Variants in GALNTL6 observed in about 807,000 individuals in gnomAD.
GALNTL6 encodes polypeptide N-acetylgalactosaminyltransferase like 6.
GALNTL6 carries 46 observed loss-of-function variants against 73.7 expected under a neutral mutation model. That is an observed-to-expected ratio of 0.62 (90% CI 0.49 to 0.80). The LOEUF (loss-of-function observed/expected upper bound fraction) is 0.80, where lower values mean the gene tolerates loss of function less well. Ranked by LOEUF, GALNTL6 falls within the 30% of genes least tolerant of loss-of-function variation. The pLI, the probability that GALNTL6 is intolerant of heterozygous loss-of-function variation, is 0.00. For synonymous variants in GALNTL6, 259 were observed against 263.7 expected, an observed-to-expected ratio of 0.98 and a Z score of 0.17; for missense variants, 604 against 755.0, an observed-to-expected ratio of 0.80 and a Z score of 2.34.
At chr4:172,454,935 T>G (rs1332260004) in intron 5 of GALNTL6, among the ~76,000 whole-genome samples, 1 of 152,086 alleles carries the variant, frequency 6.6e-6, no homozygotes, top group Non-Finnish European at 1.5e-5. Context: ...GATGGCCAAA[T>G]AGGAACAGCT....
chr4:172,728,016 G>A (rs1422731308), intron 5 of GALNTL6, among the ~76,000 whole-genome samples: 9 of 151,932 alleles, frequency 5.9e-5, no homozygotes, highest in Non-Finnish European at 1.0e-4. Flanking sequence ...GGGTTCAAGC[G>A]ATTCTCCTGC....
chr4:172,308,196 T>C (rs1467134597), intron 3 of GALNTL6, among the ~76,000 whole-genome samples: 1 of 151,074 alleles, frequency 6.6e-6, no homozygotes, highest in African/African-American at 2.4e-5. Context: ...GTAAATGAAT[T>C]CAGTAAAGTA....
intron 2 of GALNTL6, among the ~76,000 whole-genome samples, chr4:171,965,673 G>A (rs231585): frequency 0.96 from 130,872 of 136,756 alleles, 62,861 homozygotes; most frequent in East Asian, 1. Flanking sequence ...AAAAAAAAAA[G>A]AAGAAGAAGA....
chr4:172,329,211 A>G (rs540889195), intron 4 of GALNTL6, among the ~76,000 whole-genome samples: 41 of 152,346 alleles, frequency 2.7e-4, no homozygotes, highest in African/African-American at 9.6e-4. Context: ...GAGGGCTGCA[A>G]GACAGCAAAG....
chr4:172,460,960 A>G (rs1481942481), intron 5 of GALNTL6, among the ~76,000 whole-genome samples: 1 of 152,202 alleles, frequency 6.6e-6, no homozygotes, highest in Non-Finnish European at 1.5e-5. Flanking sequence ...AAAGCTTGGA[A>G]CCAACCCAAA....
At chr4:172,549,976 A>G (rs1215436963) in intron 5 of GALNTL6, among the ~76,000 whole-genome samples, 3 of 152,210 alleles carry the variant, frequency 2.0e-5, no homozygotes, top group Non-Finnish European at 4.4e-5. Context: ...CAGTAATATA[A>G]CTTCCTTTAT....
At chr4:172,513,772 T>C (rs1734507692) in intron 5 of GALNTL6, among the ~76,000 whole-genome samples, 1 of 152,174 alleles carries the variant, frequency 6.6e-6, no homozygotes, top group Non-Finnish European at 1.5e-5. Context: ...CATCCTCGGG[T>C]CTCTCAGCTG....
At chr4:172,085,555 A>C (rs1466392111) in intron 2 of GALNTL6, among the ~76,000 whole-genome samples, 1 of 152,108 alleles carries the variant, frequency 6.6e-6, no homozygotes, top group Non-Finnish European at 1.5e-5. Context: ...ATGAAAATGA[A>C]AGAACATTAA....
chr4:171,912,293 C>T (rs942010819), intron 2 of GALNTL6, among the ~76,000 whole-genome samples: 5 of 152,030 alleles, frequency 3.3e-5, no homozygotes, highest in East Asian at 1.9e-4. Flanking sequence ...GTTATTTTTG[C>T]TGCAGTAGGA....
intron 3 of GALNTL6, among the ~76,000 whole-genome samples, chr4:172,234,167 A>G (rs1369882359): frequency 6.6e-6 from 1 of 152,044 alleles, no homozygotes; most frequent in African/African-American, 2.4e-5. Flanking sequence ...GATTTTAAAA[A>G]TGTAGACACT....
At chr4:172,594,488 G>A (rs939108210) in intron 5 of GALNTL6, among the ~76,000 whole-genome samples, 2 of 151,940 alleles carry the variant, frequency 1.3e-5, no homozygotes, top group African/African-American at 2.4e-5. Flanking sequence ...ATAAAGTATG[G>A]AAAATTCAGC....
At chr4:172,408,501 T>C (rs925908394) in intron 5 of GALNTL6, among the ~76,000 whole-genome samples, 1 of 152,036 alleles carries the variant, frequency 6.6e-6, no homozygotes, top group African/African-American at 2.4e-5. Context: ...TATTTACATA[T>C]GTGTGACATA....
intron 5 of GALNTL6, among the ~76,000 whole-genome samples, chr4:172,684,731 C>A (rs974615366): frequency 1.3e-5 from 2 of 152,096 alleles, no homozygotes; most frequent in South Asian, 4.1e-4. Context: ...GCCTAGAACT[C>A]CTTTAGCCAT....
chr4:171,880,693 T>C (rs1363006558), intron 2 of GALNTL6, among the ~76,000 whole-genome samples: 1 of 152,136 alleles, frequency 6.6e-6, no homozygotes, highest in Non-Finnish European at 1.5e-5. Context: ...TCAATCCCTA[T>C]AGAGCAGGTT....
In GALNTL6 at chr4:172,233,746, A is replaced by T. The variant is rs552863816; in HGVS notation, c.247+3982A>T. Reference sequence around the variant, plus strand: ...CTCTTCTTTTTGTTGTCATTCTTACATTGTACTCTTCCTTAAAATTTTGTA... The same window carrying T: ...CTCTTCTTTTTGTTGTCATTCTTACTTTGTACTCTTCCTTAAAATTTTGTA... On this transcript the variant is annotated intron_variant, in intron 3 of 12. Transcript: ENST00000506823. Among the ~76,000 whole-genome samples, 11 of 152,178 alleles carry T rather than the reference A, an allele frequency of 7.2e-5. No homozygotes were observed. The East Asian group carries it at 1.2e-3, about 16-fold the overall frequency.
intron 5 of GALNTL6, among the ~76,000 whole-genome samples, chr4:172,423,834 G>A (rs1203139069): frequency 6.6e-6 from 1 of 151,866 alleles, no homozygotes; most frequent in African/African-American, 2.4e-5. Flanking sequence ...GTACAGTAAG[G>A]GATAGTTTGA....
At chr4:171,840,959 C>A (rs777634544) in intron 2 of GALNTL6, among the ~76,000 whole-genome samples, 22 of 152,202 alleles carry the variant, frequency 1.4e-4, no homozygotes, top group African/African-American at 2.2e-4. Context: ...ATGCATGCAC[C>A]CTTTCTGCTT....
chr4:172,574,395 T>C (rs573051827), intron 5 of GALNTL6, among the ~76,000 whole-genome samples: 42 of 151,732 alleles, frequency 2.8e-4, no homozygotes, highest in African/African-American at 9.6e-4. Context: ...CTCTCTCCCT[T>C]ACCCCACATA....
Position 171,814,607 on chromosome 4 carries a change from G to T in GALNTL6, c.27G>T (p.Leu9=). 2 of 1,614,148 alleles carry T rather than the reference G, an allele frequency of 1.2e-6. No individual in the cohort carries two copies. Among genetic ancestry groups the T allele is most frequent in the Non-Finnish European group, 1.7e-6 (2 of 1,180,012 alleles). ...TGAAGAGGAAACAGAAGAGATTTCTGCAGATGACTTTGTTGTTCACGGTGG... is the reference window on the plus strand; with the variant it reads ...TGAAGAGGAAACAGAAGAGATTTCTTCAGATGACTTTGTTGTTCACGGTGG... The part of the protein sequence containing the change: MKRKQKRF[L]QMTLLFTVAL... Residue 9 remains leucine, a synonymous_variant, in exon 2 of 13, where the codon CTG becomes CTT. Transcript: ENST00000506823.
Sources: allele counts gnomAD v4.1 joint callset (sites outside exome capture counted in the v4.1 genomes callset), GRCh38; gene constraint gnomAD v4.1.1; transcripts MANE v1.5; gene names NCBI Gene and HGNC (gene_info 2026-07-23, HGNC 2026-07-21).